Variants in DYNLL1 observed in about 807,000 individuals in gnomAD.
DYNLL1 encodes dynein light chain 1, cytoplasmic.
In DYNLL1, 3 loss-of-function variants were observed where a neutral mutation model predicts 10.1. That is an observed-to-expected ratio of 0.30 (90% CI 0.14 to 0.77). The LOEUF (loss-of-function observed/expected upper bound fraction) is 0.77. Among genes scored for constraint, DYNLL1 ranks in the 30% least tolerant of loss-of-function variants. DYNLL1 has a pLI of 0.66. For missense variants in DYNLL1, 47 were observed against 111.7 expected, an observed-to-expected ratio of 0.42 and a Z score of 2.61; for synonymous variants, 46 against 41.2, an observed-to-expected ratio of 1.12 and a Z score of -0.45.
At chr12:120,488,816 G>A (rs1879055842) in intron 1 of DYNLL1, among the ~76,000 whole-genome samples, 2 of 152,152 alleles carry the variant, frequency 1.3e-5, no homozygotes, top group South Asian at 2.1e-4. Context: ...AGGAGGCTGA[G>A]ACAGGAGGAT....
At chr12:120,477,083 C>T (rs1357664242) in intron 1 of DYNLL1, among the ~76,000 whole-genome samples, 3 of 152,032 alleles carry the variant, frequency 2.0e-5, no homozygotes, top group Non-Finnish European at 4.4e-5. Context: ...GCACCTGCCA[C>T]CACACTTGGA....
At chr12:120,493,214 A>C (rs1052473010), upstream of DYNLL1, among the ~76,000 whole-genome samples, 1 of 152,160 alleles carries the variant, frequency 6.6e-6, no homozygotes, top group African/African-American at 2.4e-5. Flanking sequence ...CTTTCCATTT[A>C]TGGTAATGAT....
intron 1 of DYNLL1, among the ~76,000 whole-genome samples, chr12:120,481,011 G>T (rs1369909600): frequency 6.6e-6 from 1 of 151,940 alleles, no homozygotes; most frequent in Non-Finnish European, 1.5e-5. Flanking sequence ...TGCCCACCTT[G>T]GCCTCCCAAA....
chr12:120,489,776 C>T (rs913756310), intron 1 of DYNLL1, among the ~76,000 whole-genome samples: 2 of 135,450 alleles, frequency 1.5e-5, no homozygotes, highest in Non-Finnish European at 3.3e-5. Flanking sequence ...GAGGTGGAGT[C>T]TCTCTCTGTC....
chr12:120,487,692 C>T (rs970100566), intron 1 of DYNLL1, among the ~76,000 whole-genome samples: 3 of 152,090 alleles, frequency 2.0e-5, no homozygotes, highest in Admixed American at 2.0e-4. Flanking sequence ...GATATAGAGG[C>T]AGGACAAACT....
exon 1 of DYNLL1, chr12:120,469,850 G>A (rs988006894): frequency 6.2e-5 from 16 of 259,934 alleles, no homozygotes; most frequent in Non-Finnish European, 1.0e-4. Context: ...GCCTTCGGGC[G>A]CTGACAGGGA....
chr12:120,480,764 CTTTT>C (rs770507117), intron 1 of DYNLL1, among the ~76,000 whole-genome samples: 1 of 141,426 alleles, frequency 7.1e-6, no homozygotes. Context: ...AAGCATTTTT[CTTTT>C]TTTTTTTTTT....
rs149651107 is a variant in DYNLL1 at position 120,470,523 on chromosome 12, A to G, written c.-7+419A>G. 8.8e-4 allele frequency among the ~76,000 whole-genome samples: 134 copies of G among 152,142 alleles called. 3 individuals carry two copies. The East Asian group carries it at 0.02, about 23-fold the overall frequency. On this transcript the variant is annotated intron_variant, in intron 1 of 2. Transcript: ENST00000392509. The stretch of plus-strand genomic sequence containing the variant: ...ATTCTGTTGCTCAGGCTGGAGTGCA[A>G]TGGCGCGAACACGGCTCACTGCAGT...
intron 1 of DYNLL1, among the ~76,000 whole-genome samples, chr12:120,479,881 CAGTCCTAAGTATTTCAG>C (rs148610565): frequency 1.3e-5 from 2 of 152,292 alleles, no homozygotes; most frequent in East Asian, 3.9e-4. Context: ...TTACACATGT[CAGTCCTAAGTATTTCAG>C]ATGTTCACTG....
rs188798987 is a variant in DYNLL1, at chr12:120,470,831, G to A, written c.-7+727G>A. Among the ~76,000 whole-genome samples the A allele has an allele frequency of 4.3e-3, 653 of 152,208 alleles. 6 individuals are homozygous for A. Among genetic ancestry groups the A allele is most frequent in the African/African-American group, 0.015 (609 of 41,554 alleles). ...AGGCCAAGGCGGGAGGATCACTTGA[G>A]GTCAGTAGTTCGAGACTAGCCTGGG... On this transcript the variant is annotated intron_variant, in intron 1 of 2. Coordinates refer to the DYNLL1 transcript ENST00000392509.
chr12:120,471,096 G>A (rs928747184), intron 1 of DYNLL1, among the ~76,000 whole-genome samples: 1 of 151,760 alleles, frequency 6.6e-6, no homozygotes, highest in Non-Finnish European at 1.5e-5. Context: ...GGGCGTGGTG[G>A]CTCATGCCTG....
At chr12:120,479,468 A>ATAATAATAATAATAAT (rs1272081996) in intron 1 of DYNLL1, among the ~76,000 whole-genome samples, 2 of 109,576 alleles carry the variant, frequency 1.8e-5, no homozygotes, top group Admixed American at 2.2e-4. Flanking sequence ...AAAAAAAAAA[A>ATAATAATAATAATAAT]AATAATAATA....
upstream of DYNLL1, among the ~76,000 whole-genome samples, chr12:120,492,763 T>A (rs1483642865): frequency 6.6e-6 from 1 of 152,120 alleles, no homozygotes; most frequent in Non-Finnish European, 1.5e-5. This position sits in a 1 kb window ranked among gnomAD's most constrained non-coding sequence, Gnocchi z 4.1. Flanking sequence ...TTTAAGCAAG[T>A]TTATCAGGCA....
At chr12:120,476,837 C>T (rs1470395437) in intron 1 of DYNLL1, among the ~76,000 whole-genome samples, 2 of 152,172 alleles carry the variant, frequency 1.3e-5, no homozygotes, top group Non-Finnish European at 2.9e-5. Flanking sequence ...GTCTCGAACT[C>T]CCAACCTCAG....
intron 1 of DYNLL1, among the ~76,000 whole-genome samples, chr12:120,479,403 G>A (rs1301648304): frequency 7.5e-6 from 1 of 133,362 alleles, no homozygotes; most frequent in Non-Finnish European, 1.5e-5. Flanking sequence ...GTGGTCAGCT[G>A]AGATCACACC....
chr12:120,490,600 A>G (rs1879102624), intron 1 of DYNLL1: 1 of 152,172 alleles, frequency 6.6e-6, no homozygotes, highest in African/African-American at 2.4e-5. Context: ...TGACATTCAA[A>G]TTCAGTCCAG....
At chr12:120,471,743 TG>T (rs1040719299) in intron 1 of DYNLL1, among the ~76,000 whole-genome samples, 1 of 152,070 alleles carries the variant, frequency 6.6e-6, no homozygotes, top group African/African-American at 2.4e-5. Context: ...CCTGAGTAGC[TG>T]GGACTACAGG....
At chr12:120,496,059 G>A, upstream of DYNLL1, 1 of 375,410 alleles carries the variant, frequency 2.7e-6, no homozygotes, top group Admixed American at 4.3e-5. Context: ...CGGGGCCGGC[G>A]GGAGCAGGGC....
In DYNLL1 at chr12:120,498,230, C is replaced by T. The variant is rs1868529856; in HGVS notation, c.*20C>T. 6.2e-7 allele frequency: 1 copy of T among 1,603,830 alleles called. No homozygotes were observed. The highest frequency in any genetic ancestry group is 8.5e-7 in the Non-Finnish European group (1 of 1,178,018). ...GGTTAAAAGCATGGACTGTGCCACA[C>T]ACCCAGTGATCCATCCAAAAACAAG... On this transcript the variant is annotated 3_prime_UTR_variant, in exon 3 of 3. Coordinates refer to ENST00000242577, the MANE Select transcript of DYNLL1 (RefSeq NM_003746.3).
Sources: allele counts gnomAD v4.1 joint callset (sites outside exome capture counted in the v4.1 genomes callset), GRCh38; gene constraint gnomAD v4.1.1; non-coding constraint Gnocchi (gnomAD v3.1); transcripts MANE v1.5; gene names NCBI Gene and HGNC (gene_info 2026-07-23, HGNC 2026-07-21).